GPM6A: variants seen among roughly 807,000 people sequenced by gnomAD.
The protein encoded by GPM6A is glycoprotein M6A.
Under a neutral mutation model 32.1 loss-of-function variants are expected in GPM6A, and 7 were observed. The ratio of observed to expected loss-of-function variants is 0.22; its 90% CI spans 0.12 to 0.41. GPM6A has a LOEUF of 0.41. GPM6A is among the 10% of genes least tolerant of loss of function. The pLI is 1.00. For missense variants in GPM6A, 235 were observed against 347.2 expected (o/e 0.68, Z 2.57); for synonymous variants, 130 against 123.4 (o/e 1.05, Z -0.35).
intron 1 of GPM6A, among the ~76,000 whole-genome samples, chr4:175,785,485 A>G (rs1733764666): frequency 1.3e-5 from 2 of 152,216 alleles, no homozygotes; most frequent in Non-Finnish European, 2.9e-5. Context: ...TGTTGGGAGA[A>G]TAGAATTAGT....
intron 1 of GPM6A, among the ~76,000 whole-genome samples, chr4:175,940,272 A>C (rs1193663006): frequency 7.2e-6 from 1 of 139,638 alleles, no homozygotes; most frequent in African/African-American, 2.6e-5. Flanking sequence ...AATCTACAAT[A>C]AAAATTACTT....
At chr4:175,911,228 G>T (rs543594861) in intron 1 of GPM6A, among the ~76,000 whole-genome samples, 2 of 151,922 alleles carry the variant, frequency 1.3e-5, no homozygotes, top group African/African-American at 4.8e-5. Flanking sequence ...TTGGACAAAA[G>T]GTTTATTACC....
In GPM6A at chr4:175,846,098, C is replaced by T. The variant is rs529911683; in HGVS notation, c.-22-33849G>A. On this transcript the variant is annotated intron_variant, in intron 1 of 7. Coordinates refer to the GPM6A transcript ENST00000280187. ...TTGTTCTTTTCAAGCCCTAATGTGT[C>T]GTAACATCGTGTCTCTACTCTCAAT... is the stretch of plus-strand genomic sequence containing the variant. Among the ~76,000 whole-genome samples, 8 of 152,126 alleles carry T rather than the reference C, an allele frequency of 5.3e-5. No homozygotes were observed. In the East Asian group the frequency reaches 1.2e-3, roughly 22 times the overall value.
In GPM6A at chr4:175,740,549, A is replaced by C. The variant is rs541255918; in HGVS notation, c.38-38782T>G. Among the ~76,000 whole-genome samples, 33 of 152,176 alleles carry C rather than the reference A, an allele frequency of 2.2e-4. No individual in the cohort carries two copies. The South Asian group carries it at 6.8e-3, about 32-fold the overall frequency. The stretch of plus-strand genomic sequence containing the variant: ...TATCTTCCCACGAGTGCCTCCCAAC[A>C]GAAAGAAAAATTAATTGAATATATC... On this transcript the variant is annotated intron_variant, in intron 1 of 6. Coordinates refer to ENST00000393658, the MANE Select transcript of GPM6A (RefSeq NM_201591.3).
chr4:175,917,163 C>G (rs112416000), intron 1 of GPM6A, among the ~76,000 whole-genome samples: 1 of 151,998 alleles, frequency 6.6e-6, no homozygotes, highest in East Asian at 1.9e-4. Context: ...TTTCCTCCAG[C>G]GGGTGGGGGT....
chr4:175,768,087 A>G (rs1203691313), intron 1 of GPM6A, among the ~76,000 whole-genome samples: 2 of 152,206 alleles, frequency 1.3e-5, no homozygotes, highest in Non-Finnish European at 2.9e-5. Context: ...TATTAAGAAC[A>G]ATATGGTTCA....
At chr4:175,816,893 C>CTCTG (rs1255785003), upstream of GPM6A, among the ~76,000 whole-genome samples, 1 of 151,168 alleles carries the variant, frequency 6.6e-6, no homozygotes, top group Non-Finnish European at 1.5e-5. Flanking sequence ...CGGAGTCTCG[C>CTCTG]TCAAAGCCCA....
chr4:175,946,662 T>C lies in GPM6A; in HGVS notation c.-23+55647A>G, dbSNP rs1739617986. Among the ~76,000 whole-genome samples, 2 of 151,792 alleles carry C rather than the reference T, an allele frequency of 1.3e-5. 1 individual carries two copies. The highest frequency in any genetic ancestry group is 2.9e-5 in the Non-Finnish European group (2 of 67,958). On this transcript the variant is annotated intron_variant, in intron 1 of 7. Transcript: ENST00000280187. Reference sequence around the variant, plus strand: ...GGGAACCGCAAGCACAGCTGTGGAGTGTCCGAGGGATAAAGATGGCAGCAG... The same window carrying C: ...GGGAACCGCAAGCACAGCTGTGGAGCGTCCGAGGGATAAAGATGGCAGCAG...
chr4:175,908,290 A>G (rs955602861), intron 1 of GPM6A, among the ~76,000 whole-genome samples: 1 of 152,096 alleles, frequency 6.6e-6, no homozygotes, highest in Non-Finnish European at 1.5e-5. Flanking sequence ...CCAACATACT[A>G]ATGATGTCAT....
Position 175,912,596 on chromosome 4 carries a change from A to G in GPM6A, c.-23+89713T>C, listed in dbSNP as rs148818351. On this transcript the variant is annotated intron_variant, in intron 1 of 7. Coordinates refer to the GPM6A transcript ENST00000280187. ...CTTGAACTTGGGAGGCAGAGGTTGCAGTAAGCCAAGATCACACCATTGCAC... is the reference window on the plus strand; with the variant it reads ...CTTGAACTTGGGAGGCAGAGGTTGCGGTAAGCCAAGATCACACCATTGCAC... Among the ~76,000 whole-genome samples, 4 of 152,336 alleles carry G rather than the reference A, an allele frequency of 2.6e-5. No homozygotes were observed. The East Asian group carries it at 7.7e-4, about 29-fold the overall frequency.
chr4:175,884,305 T>C (rs1729487999), intron 1 of GPM6A, among the ~76,000 whole-genome samples: 1 of 152,234 alleles, frequency 6.6e-6, no homozygotes, highest in African/African-American at 2.4e-5. Flanking sequence ...CATTTTCACA[T>C]ACTAGTGATG....
At chr4:175,828,348 G>A (rs1735502120) in intron 1 of GPM6A, among the ~76,000 whole-genome samples, 1 of 152,160 alleles carries the variant, frequency 6.6e-6, no homozygotes, top group Admixed American at 6.6e-5. Flanking sequence ...AAATTTAGCA[G>A]GGGGCATATT....
chr4:175,748,412 T>G (rs1293300995), intron 1 of GPM6A, among the ~76,000 whole-genome samples: 1 of 152,218 alleles, frequency 6.6e-6, no homozygotes, highest in Non-Finnish European at 1.5e-5. Context: ...AAAGCAGATG[T>G]TGTATTAGCA....
intron 1 of GPM6A, chr4:175,807,315 A>G (rs1734733928): frequency 1.3e-5 from 2 of 152,226 alleles, no homozygotes; most frequent in Non-Finnish European, 2.9e-5. Flanking sequence ...AATTTAATAC[A>G]TTAAATATAC....
At chr4:175,709,987 G>A (rs1311004765) in intron 1 of GPM6A, among the ~76,000 whole-genome samples, 1 of 151,830 alleles carries the variant, frequency 6.6e-6, no homozygotes, top group Admixed American at 6.6e-5. Flanking sequence ...CAGCCTAATG[G>A]GTAGAAAGAG....
chr4:175,688,781 T>A (rs1345395218), intron 2 of GPM6A, among the ~76,000 whole-genome samples: 1 of 152,234 alleles, frequency 6.6e-6, no homozygotes, highest in African/African-American at 2.4e-5. Context: ...TGTAATTATG[T>A]ACCAATAAAT....
intron 1 of GPM6A, among the ~76,000 whole-genome samples, chr4:175,955,089 TG>T (rs1739942588): frequency 6.6e-6 from 1 of 152,232 alleles, no homozygotes; most frequent in Non-Finnish European, 1.5e-5. Flanking sequence ...ACACAATACC[TG>T]GAAGAAAAGT....
intron 1 of GPM6A, among the ~76,000 whole-genome samples, chr4:175,869,541 G>A (rs926135242): frequency 6.6e-6 from 1 of 151,920 alleles, no homozygotes; most frequent in Admixed American, 6.6e-5. Context: ...GGCAGATCAT[G>A]AGGTCAGGAG....
intron 3 of GPM6A, among the ~76,000 whole-genome samples, chr4:175,655,904 C>T (rs1217087445): frequency 4.6e-5 from 7 of 151,970 alleles, no homozygotes; most frequent in Non-Finnish European, 1.0e-4. Context: ...AGCAGTAACT[C>T]AAAGAGAGGA....
Sources: allele counts gnomAD v4.1 joint callset (sites outside exome capture counted in the v4.1 genomes callset), GRCh38; gene constraint gnomAD v4.1.1; transcripts MANE v1.5; gene names NCBI Gene and HGNC (gene_info 2026-07-23, HGNC 2026-07-21).